CD164: variants seen among roughly 807,000 people sequenced by gnomAD.
CD164 encodes the protein CD164 molecule, also known as sialomucin core protein 24.
Under a neutral mutation model 24.6 loss-of-function variants are expected in CD164, and 11 were observed. The ratio of observed to expected loss-of-function variants is 0.45; its 90% CI spans 0.28 to 0.74. CD164 has a LOEUF of 0.74. CD164 is among the 30% of genes least tolerant of loss of function. CD164 has a pLI of 0.13. For missense variants in CD164, 295 were observed against 243.7 expected, an observed-to-expected ratio of 1.21 and a Z score of -1.40; for synonymous variants, 126 against 100.3, an observed-to-expected ratio of 1.26 and a Z score of -1.53.
intron 4 of CD164, among the ~76,000 whole-genome samples, chr6:109,373,228 T>G (rs1318828583): frequency 6.6e-6 from 1 of 152,208 alleles, no homozygotes; most frequent in African/African-American, 2.4e-5. Context: ...CAGTTCATCT[T>G]CCACTTCATA....
intron 1 of CD164, 163 bp downstream of exon 1, chr6:109,382,041 T>A: frequency 1.9e-6 from 1 of 521,288 alleles, no homozygotes; most frequent in Non-Finnish European, 2.9e-6. Context: ...CGGCCACGAG[T>A]GGACTCCAGG....
chr6:109,368,141 G>T lies in CD164; in HGVS notation c.*710C>A. 1 of 794,618 alleles carries T rather than the reference G, an allele frequency of 1.3e-6. No homozygotes were observed. Among genetic ancestry groups the T allele is most frequent in the Non-Finnish European group, 1.9e-6 (1 of 528,934 alleles). 49.2% of individuals were successfully genotyped at this position (794,618 alleles called of 1,614,324 possible). The stretch of plus-strand genomic sequence containing the variant: ...CTGACCAATCCTTACCTTCCTTAAT[G>T]TCAAAGAACAAATCATAGACATTAA... On this transcript the variant is annotated 3_prime_UTR_variant, in exon 6 of 6. Coordinates refer to ENST00000310786, the MANE Select transcript of CD164 (RefSeq NM_006016.6).
intron 4 of CD164, among the ~76,000 whole-genome samples, chr6:109,375,627 A>AAAAAAAG (rs558899854): frequency 0.012 from 1,733 of 144,698 alleles, 31 homozygotes; most frequent in South Asian, 0.044. Flanking sequence ...CAAAAAAAAA[A>AAAAAAAG]AAAGAAAAGA....
At chr6:109,374,739 TG>T (rs1380365591) in intron 4 of CD164, among the ~76,000 whole-genome samples, 1 of 152,210 alleles carries the variant, frequency 6.6e-6, no homozygotes, top group Non-Finnish European at 1.5e-5. Flanking sequence ...TTGTACAGGA[TG>T]GGACACTCTT....
At chr6:109,379,285 T>C (rs1042345245) in intron 2 of CD164, among the ~76,000 whole-genome samples, 13 of 152,160 alleles carry the variant, frequency 8.5e-5, no homozygotes, top group Admixed American at 1.3e-4. Flanking sequence ...GGTTGGAGGA[T>C]TGCTTGAGCC....
chr6:109,369,715 G>A (rs1167372703), intron 5 of CD164, among the ~76,000 whole-genome samples: 2 of 152,120 alleles, frequency 1.3e-5, no homozygotes, highest in African/African-American at 2.4e-5. Context: ...CAACTGTTTT[G>A]TATTCCTTCT....
At chr6:109,374,151 C>T (rs550855196) in intron 4 of CD164, among the ~76,000 whole-genome samples, 24 of 152,266 alleles carry the variant, frequency 1.6e-4, no homozygotes, top group African/African-American at 5.5e-4. Context: ...TTCCTAGAGT[C>T]TGGTCTTCAA....
chr6:109,367,623 A>T lies in CD164; in HGVS notation c.*1228T>A, dbSNP rs1299736106. On this transcript the variant is annotated 3_prime_UTR_variant, in exon 6 of 6. Transcript: ENST00000310786. ...GAAGGGAGAGAAAAAGAAAAAGCAC[A>T]GTCTATTCATCCAGGACAATCAGTA... is the stretch of plus-strand genomic sequence containing the variant. The T allele has an allele frequency of 6.6e-6, 1 of 152,620 alleles. No homozygotes were observed. The highest frequency in any genetic ancestry group is 1.5e-5 in the Non-Finnish European group (1 of 68,006). 9.5% of individuals were successfully genotyped at this position (152,620 alleles called of 1,614,324 possible).
At chr6:109,370,505 A>G in intron 4 of CD164, 38 bp from the exon 5 acceptor site, 1 of 1,541,628 alleles carries the variant, frequency 6.5e-7, no homozygotes, top group Non-Finnish European at 8.9e-7. Flanking sequence ...AAAAACCTTA[A>G]ATTTCTAGCT....
intron 5 of CD164, among the ~76,000 whole-genome samples, chr6:109,369,525 C>T (rs1303649508): frequency 6.8e-6 from 1 of 147,262 alleles, no homozygotes; most frequent in Non-Finnish European, 1.5e-5. Context: ...CAACAAATTT[C>T]ACATGAGAAA....
chr6:109,370,786 G>T, intron 4 of CD164: 2 of 236,968 alleles, frequency 8.4e-6, no homozygotes, highest in South Asian at 1.1e-4. Flanking sequence ...ACATTTAGGT[G>T]AGGAAACTAT....
chr6:109,366,854 T>G lies in CD164; in HGVS notation c.*1997A>C, dbSNP rs3799832. ...TGTAGACTTGCAAAATCTAACTAATTTTATATTATGCTTGTTGTTAGAGCA... is the reference window on the plus strand; with the variant it reads ...TGTAGACTTGCAAAATCTAACTAATGTTATATTATGCTTGTTGTTAGAGCA... On this transcript the variant is annotated 3_prime_UTR_variant, in exon 6 of 6. Coordinates refer to ENST00000310786, the MANE Select transcript of CD164 (RefSeq NM_006016.6). 2.2e-4 allele frequency: 34 copies of G among 152,512 alleles called. 1 individual carries two copies. The East Asian group carries it at 6.4e-3, about 29-fold the overall frequency. The allele number at this position is 152,512 out of a possible 1,614,324, so 9.4% of individuals were successfully genotyped here.
chr6:109,369,031 C>G lies in CD164; in HGVS notation c.428-14G>C. ...TATTTGTTGTACCTGTTAGATAAGA[C>G]AAAAGAAACAACAATCCTAAGTTTC... On this transcript the variant is annotated splice_polypyrimidine_tract_variant and intron_variant, in intron 5 of 5. Transcript: ENST00000310786. 6.3e-7 allele frequency: 1 copy of G among 1,598,978 alleles called. No individual in the cohort carries two copies. Among genetic ancestry groups the G allele is most frequent in the Non-Finnish European group, 8.5e-7 (1 of 1,175,118 alleles).
intron 1 of CD164, chr6:109,381,733 GACTTCCGGAGAAGGCT>G: frequency 3.4e-6 from 2 of 590,288 alleles, no homozygotes; most frequent in South Asian, 4.0e-5. Flanking sequence ...CTCTTTCCCG[GACTTCCGGAGAAGGCT>G]ACCTCCGGAG....
chr6:109,378,062 C>A, intron 2 of CD164, 91 bp from the exon 3 acceptor site: 1 of 1,122,714 alleles, frequency 8.9e-7, no homozygotes, highest in Non-Finnish European at 1.3e-6. Context: ...GAAATCAAAC[C>A]CAAACACTTT....
rs59558454 is a variant in CD164, at chr6:109,370,262, A to C, written c.427+149T>G. ...AAAGCTATCATTATTGTGTTAACAA[A>C]GCACTACCTTGATCCCCCCTAAGAG... On this transcript the variant is annotated intron_variant, in intron 5 of 5. Coordinates refer to ENST00000310786, the MANE Select transcript of CD164 (RefSeq NM_006016.6). 569 of 620,042 alleles carry C rather than the reference A, an allele frequency of 9.2e-4. 2 individuals are homozygous for C. The highest frequency in any genetic ancestry group is 4.8e-3 in the African/African-American group (248 of 51,608). The allele number at this position is 620,042 out of a possible 1,614,324, so 38.4% of individuals were successfully genotyped here. A position where few individuals can be genotyped will look rare whatever the true frequency, so the allele number is the denominator to read the frequency against.
rs1300088996 is a variant in CD164, at chr6:109,382,445, C to T, written c.-67G>A. The T allele has an allele frequency of 1.8e-5, 24 of 1,367,720 alleles. No individual in the cohort carries two copies. Among genetic ancestry groups the T allele is most frequent in the Non-Finnish European group, 2.2e-5 (23 of 1,045,572 alleles). The allele number at this position is 1,367,720 out of a possible 1,614,324, so 84.7% of individuals were successfully genotyped here. A position where few individuals can be genotyped will look rare whatever the true frequency, so the allele number is the denominator to read the frequency against. On this transcript the variant is annotated 5_prime_UTR_variant, in exon 1 of 6. Transcript: ENST00000310786. ...CAACGCTCAGTCAACCCCTCAATCC[C>T]CTGCGGCGCCGCCTCCGAGACTACG...
chr6:109,369,153 T>C (rs1221480140), intron 5 of CD164, 136 bp from the exon 6 acceptor site: 2 of 736,762 alleles, frequency 2.7e-6, no homozygotes, highest in Non-Finnish European at 4.4e-6. Flanking sequence ...CAGCTAGAAT[T>C]TATCCCTAAT....
rs1017877678 is a variant in CD164 at position 109,369,097 on chromosome 6, A to G, written c.428-80T>C. 5 of 1,238,472 alleles carry G rather than the reference A, an allele frequency of 4.0e-6. No homozygotes were observed. The Admixed American group carries it at 7.3e-5, about 18-fold the overall frequency. 76.7% of individuals were successfully genotyped at this position (1,238,472 alleles called of 1,614,324 possible). On this transcript the variant is annotated intron_variant, in intron 5 of 5. Transcript: ENST00000310786. ...AATTTAAAGATGCACCTGAGCCTCT[A>G]TTTTGCCATGTGTTAAATTCTATAA...
Sources: gnomAD v4.1 joint callset for allele counts (sites outside exome capture counted in the v4.1 genomes callset) on GRCh38, gnomAD v4.1.1 for gene constraint, MANE v1.5 for transcripts, NCBI Gene and HGNC (gene_info 2026-07-23, HGNC 2026-07-21) for gene names.